The following MX1 variants were observed in gnomAD, a reference collection of about 807,000 sequenced individuals.
The protein encoded by MX1 is MX dynamin like GTPase 1, also known as interferon-induced GTP-binding protein Mx1.
Under a neutral mutation model 66.4 loss-of-function variants are expected in MX1, and 66 were observed. The observed-to-expected ratio is 0.99, with a 90% CI of 0.82 to 1.22. The LOEUF (loss-of-function observed/expected upper bound fraction) is 1.22, where lower values mean the gene tolerates loss of function less well. Ranked by LOEUF, MX1 falls within the 50% of genes most tolerant of loss-of-function variation. MX1 has a pLI of 0.00. For missense variants in MX1, 787 were observed against 834.3 expected (o/e 0.94, Z 0.70); for synonymous variants, 311 against 318.1 (o/e 0.98, Z 0.24).
At position 41,446,088 on chromosome 21, in the gene MX1, T is replaced by G. The variant is rs1345456112; in HGVS notation, c.1220T>G (p.Leu407Arg). 1 of 1,614,214 alleles carries G rather than the reference T, an allele frequency of 6.2e-7. No homozygotes were observed. Among genetic ancestry groups the G allele is most frequent in the Admixed American group, 1.7e-5 (1 of 60,022 alleles). ...GAAGACATTCGGCTGTTTACCAGAC[T>G]CCGACACGAGTTCCACAAATGGAGT... ...GEEDIRLFTR[L>R]RHEFHKWSTI... The change falls in exon 13 of 17, where the codon CTC becomes CGC. Residue 407 changes from leucine (L) to arginine (R), a missense_variant. Physicochemically the swap from Leu to Arg is moderately radical, Grantham distance 102. Coordinates refer to ENST00000398598, the MANE Select transcript of MX1 (RefSeq NM_002462.5).
At chr21:41,445,422 C>T in intron 11 of MX1, 26 bp from the exon 12 acceptor site, 4 of 1,613,018 alleles carry the variant, frequency 2.5e-6, no homozygotes, top group Non-Finnish European at 3.4e-6. Flanking sequence ...TACACATTTC[C>T]ATTATTTTCT....
intron 10 of MX1, chr21:41,442,801 A>T (rs1333447107): frequency 6.6e-6 from 1 of 152,278 alleles, no homozygotes; most frequent in African/African-American, 2.4e-5. Flanking sequence ...ATTCTGACAC[A>T]TGCTACAACA....
intron 14 of MX1, among the ~76,000 whole-genome samples, chr21:41,450,736 TGA>T (rs1292285663): frequency 2.6e-5 from 4 of 152,074 alleles, no homozygotes. Flanking sequence ...AGAATAGAAA[TGA>T]GTTTCAAAAA....
intron 15 of MX1, 127 bp from the exon 16 acceptor site, chr21:41,452,494 T>C: frequency 9.3e-7 from 1 of 1,074,292 alleles, no homozygotes; most frequent in Non-Finnish European, 1.3e-6. Flanking sequence ...CCCAGAGGGC[T>C]GTTCCAGGAA....
In MX1 at chr21:41,439,853, G is replaced by C. The variant is rs2090457941; in HGVS notation, c.591+5G>C. 6.2e-7 allele frequency: 1 copy of C among 1,602,844 alleles called. No homozygotes were observed. The highest frequency in any genetic ancestry group is 1.3e-5 in the African/African-American group (1 of 74,490). On this transcript the variant is annotated splice_donor_5th_base_variant and intron_variant, in intron 8 of 16. Coordinates refer to ENST00000398598, the MANE Select transcript of MX1 (RefSeq NM_002462.5). ...CCTGCTGACATTGGGTATAAGGTCA[G>C]ACTTCAGACCCATTCTGACCTTGGC...
At position 41,435,686 on chromosome 21, in the gene MX1, A is replaced by ATCCAATT. The variant is rs1265165324; in HGVS notation, c.106-150_106-144dup. 14 of 854,730 alleles carry ATCCAATT rather than the reference A, an allele frequency of 1.6e-5. No homozygotes were observed. In the East Asian group the frequency reaches 3.2e-4, roughly 20 times the overall value. The allele number at this position is 854,730 out of a possible 1,614,324, so 52.9% of individuals were successfully genotyped here. A position where few individuals can be genotyped will look rare whatever the true frequency, so the allele number is the denominator to read the frequency against. On this transcript the variant is annotated intron_variant, in intron 5 of 16. Transcript: ENST00000398598. Reference sequence around the variant, plus strand: ...CAGCATGGGGGAAACCTCCCCCACAATCCAATTACCTCCACCTGGTCTCTC... The same window carrying ATCCAATT: ...CAGCATGGGGGAAACCTCCCCCACAATCCAATTTCCAATTACCTCCACCTGGTCTCTC...
chr21:41,429,401 C>A (rs1024632167), intron 3 of MX1: 8 of 152,166 alleles, frequency 5.3e-5, no homozygotes, highest in African/African-American at 1.9e-4. Context: ...TTGAGTGGAA[C>A]CTGTGGTCAT....
chr21:41,431,539 G>A (rs897589980), intron 4 of MX1, among the ~76,000 whole-genome samples: 3 of 151,272 alleles, frequency 2.0e-5, no homozygotes, highest in Non-Finnish European at 4.4e-5. Context: ...GCAGTGGCGT[G>A]ATCTCAGCTG....
In MX1 at chr21:41,435,739, A is replaced by C. The variant is rs184571596; in HGVS notation, c.106-98A>C. On this transcript the variant is annotated intron_variant, in intron 5 of 16. Transcript: ENST00000398598. ...TTGACACGTAGGGATTATGGGGATT[A>C]CAATTCGAGATGAGATTTGGGTAGG... 5,817 of 1,335,760 alleles carry C rather than the reference A, an allele frequency of 4.4e-3. 26 individuals carry two copies. Among genetic ancestry groups the C allele is most frequent in the Middle Eastern group, 6.4e-3 (24 of 3,724 alleles). 82.7% of individuals were successfully genotyped at this position (1,335,760 alleles called of 1,614,324 possible). A position where few individuals can be genotyped will look rare whatever the true frequency, so the allele number is the denominator to read the frequency against.
At chr21:41,434,023 G>C (rs1398651950) in intron 5 of MX1, among the ~76,000 whole-genome samples, 2 of 152,270 alleles carry the variant, frequency 1.3e-5, no homozygotes, top group East Asian at 1.9e-4. Flanking sequence ...ATAGAGGCCA[G>C]GTATTTGGCT....
At position 41,436,029 on chromosome 21, in the gene MX1, G is replaced by A. The variant is rs146354541; in HGVS notation, c.298G>A (p.Gly100Arg). Residue 100 changes from glycine (G) to arginine (R), a missense_variant and splice_region_variant, in exon 6 of 17, where the codon GGG becomes AGG. Transcript: ENST00000398598. ...LSGVALPRGS[G>R]IVTRCPLVLK... ...AGGAGTTGCCCTTCCCAGAGGCAGC[G>A]GTAAGAACTTACATTCTGTGTTAGT... The A allele has an allele frequency of 8.3e-5, 134 of 1,613,776 alleles. No individual in the cohort carries two copies. The highest frequency in any genetic ancestry group is 1.6e-4 in the Middle Eastern group (1 of 6,082).
At chr21:41,442,024 T>TGC (rs1555885676) in intron 10 of MX1, 110 bp downstream of exon 10, 39 of 987,684 alleles carry the variant, frequency 3.9e-5, no homozygotes, top group Admixed American at 1.6e-4. Flanking sequence ...TGTGTGTGTG[T>TGC]GCGTGTGTGT....
In MX1 at chr21:41,441,389, C is replaced by T. The variant is rs989099228; in HGVS notation, c.731-327C>T. On this transcript the variant is annotated intron_variant, in intron 9 of 16. Coordinates refer to ENST00000398598, the MANE Select transcript of MX1 (RefSeq NM_002462.5). The surrounding 1 kb of genome is among the most constrained non-coding windows in gnomAD (Gnocchi z 4.0). ...GGAAGCAGGTCAAACTCAGGAGGCA[C>T]ATGGTACTCATTAAGAATGCATTTG... 2 of 453,982 alleles carry T rather than the reference C, an allele frequency of 4.4e-6. No individual in the cohort carries two copies. Among genetic ancestry groups the T allele is most frequent in the East Asian group, 7.7e-5 (2 of 26,020 alleles). The allele number at this position is 453,982 out of a possible 1,614,324, so 28.1% of individuals were successfully genotyped here.
At chr21:41,457,580 G>A (rs2146386753) in intron 16 of MX1, among the ~76,000 whole-genome samples, 1 of 152,230 alleles carries the variant, frequency 6.6e-6, no homozygotes, top group South Asian at 2.1e-4. Flanking sequence ...GCCCACTCAG[G>A]CACTCACTTC....
chr21:41,434,730 A>G (rs901825424), intron 5 of MX1, among the ~76,000 whole-genome samples: 1 of 152,298 alleles, frequency 6.6e-6, no homozygotes, highest in Admixed American at 6.5e-5. Flanking sequence ...CCTTCATACT[A>G]TTTCTATCAT....
intron 4 of MX1, 41 bp downstream of exon 4, chr21:41,430,649 G>A (rs970291336): frequency 1.3e-5 from 2 of 152,180 alleles, no homozygotes; most frequent in African/African-American, 4.8e-5. Context: ...TTTATTTTGA[G>A]TCATAGGAGA....
chr21:41,432,750 C>G (rs1394046555), intron 5 of MX1, among the ~76,000 whole-genome samples: 1 of 152,164 alleles, frequency 6.6e-6, no homozygotes. Flanking sequence ...CTTTATATGG[C>G]TGAGAGCAAA....
intron 7 of MX1, among the ~76,000 whole-genome samples, chr21:41,437,910 G>A (rs1423375382): frequency 6.6e-6 from 1 of 152,218 alleles, no homozygotes; most frequent in Non-Finnish European, 1.5e-5. Context: ...TCCCAGCTTA[G>A]GCTAATTCAT....
rs1423603007 is a variant in MX1 at position 41,441,159 on chromosome 21, C to T, written c.730+134C>T. 9 of 1,227,990 alleles carry T rather than the reference C, an allele frequency of 7.3e-6. No individual in the cohort carries two copies. The highest frequency in any genetic ancestry group is 5.6e-5 in the Admixed American group (2 of 35,470). 76.1% of individuals were successfully genotyped at this position (1,227,990 alleles called of 1,614,324 possible). ...TGTGCTCGGTGAGAATGGGGGAGCC[C>T]GCCTGTGCTCGGTGGTCTGCCAGTG... On this transcript the variant is annotated intron_variant, in intron 9 of 16. Coordinates refer to ENST00000398598, the MANE Select transcript of MX1 (RefSeq NM_002462.5). This position sits in a 1 kb window ranked among gnomAD's most constrained non-coding sequence, Gnocchi z 4.0.
Sources: allele counts gnomAD v4.1 joint callset (sites outside exome capture counted in the v4.1 genomes callset), GRCh38; gene constraint gnomAD v4.1.1; non-coding constraint Gnocchi (gnomAD v3.1); transcripts MANE v1.5; gene names NCBI Gene and HGNC (gene_info 2026-07-23, HGNC 2026-07-21).